Variants in AFM observed in about 807,000 individuals in gnomAD.
AFM encodes the protein alpha-Alb.
AFM carries 82 observed loss-of-function variants against 68.7 expected under a neutral mutation model. The observed-to-expected ratio is 1.19, with a 90% CI of 1.00 to 1.43. The LOEUF is 1.43. Among genes scored for constraint, AFM ranks in the 40% most tolerant of loss-of-function variants. AFM has a pLI of 0.00. For synonymous variants in AFM, 250 were observed against 234.2 expected, an observed-to-expected ratio of 1.07 and a Z score of -0.61; for missense variants, 772 against 701.8, an observed-to-expected ratio of 1.10 and a Z score of -1.13.
At chr4:73,484,432 CT>C (rs1720808712) in intron 3 of AFM, 42 bp downstream of exon 3, 1 of 1,270,794 alleles carries the variant, frequency 7.9e-7, no homozygotes, top group African/African-American at 1.6e-5. Context: ...TATCTTATGT[CT>C]TTCTTTCTCT....
intron 9 of AFM, among the ~76,000 whole-genome samples, chr4:73,496,641 G>A (rs1408444722): frequency 6.6e-6 from 1 of 152,056 alleles, no homozygotes; most frequent in African/African-American, 2.4e-5. Flanking sequence ...GTAAATAACA[G>A]TGTTTGTGTT....
At chr4:73,497,057 C>T (rs1169517851) in intron 9 of AFM, among the ~76,000 whole-genome samples, 2 of 152,166 alleles carry the variant, frequency 1.3e-5, no homozygotes, top group African/African-American at 2.4e-5. Flanking sequence ...ATACAATTTG[C>T]TCCACAATAG....
intron 2 of AFM, 104 bp downstream of exon 2, chr4:73,484,093 A>T: frequency 1.5e-6 from 2 of 1,360,764 alleles, no homozygotes; most frequent in Non-Finnish European, 2.0e-6. Flanking sequence ...GCCATATCCA[A>T]GAAGACAACT....
Position 73,486,024 on chromosome 4 carries a change from G to T in AFM, c.433G>T (p.Glu145Ter). ...FLPPFPTLDP[E>*]EKCQAYESNR... Reference sequence around the variant, plus strand: ...GCCTCCTTTCCCTACCCTGGATCCCGAAGAGAAATGCCAGGCTTATGAAAG... The same window carrying T: ...GCCTCCTTTCCCTACCCTGGATCCCTAAGAGAAATGCCAGGCTTATGAAAG... Residue 145 changes from glutamate to a stop codon, truncating the protein, a stop_gained, in exon 4 of 15, where the codon GAA (glutamate) becomes TAA (stop). Transcript: ENST00000226355. LOFTEE classifies it high-confidence loss of function. 5 of 1,614,018 alleles carry T rather than the reference G, an allele frequency of 3.1e-6. No individual in the cohort carries two copies. The highest frequency in any genetic ancestry group is 4.2e-6 in the Non-Finnish European group (5 of 1,179,966).
intron 13 of AFM, 119 bp downstream of exon 13, chr4:73,502,038 C>G: frequency 9.1e-7 from 1 of 1,097,514 alleles, no homozygotes; most frequent in Non-Finnish European, 1.3e-6. Context: ...CATTTGAGAG[C>G]ACAATTGCTA....
chr4:73,500,341 C>A, intron 12 of AFM, 114 bp downstream of exon 12: 2 of 946,816 alleles, frequency 2.1e-6, no homozygotes, highest in Non-Finnish European at 1.5e-6. Context: ...CTGTTCCTTC[C>A]ACCAAATTGT....
At chr4:73,500,735 G>A (rs980946649) in intron 12 of AFM, among the ~76,000 whole-genome samples, 1 of 152,132 alleles carries the variant, frequency 6.6e-6, no homozygotes, top group Non-Finnish European at 1.5e-5. Flanking sequence ...TTTTGGACAT[G>A]AATTTTCTGG....
intron 7 of AFM, among the ~76,000 whole-genome samples, chr4:73,489,099 T>C (rs981627434): frequency 1.1e-4 from 17 of 152,196 alleles, no homozygotes; most frequent in Non-Finnish European, 2.5e-4. Context: ...TGGAAACAAA[T>C]AGTAAATTTC....
Position 73,501,820 on chromosome 4 carries a change from A to G in AFM, c.1680A>G (p.Glu560=). ...FLVNLVKLKH[E]LTDEELQSLF... Reference sequence around the variant, plus strand: ...TCAACTTAGTGAAGCTGAAGCATGAACTCACAGATGAAGAGCTGCAGTCTT... The same window carrying G: ...TCAACTTAGTGAAGCTGAAGCATGAGCTCACAGATGAAGAGCTGCAGTCTT... The change falls in exon 13 of 15, where the codon GAA becomes GAG. Residue 560 remains glutamate, a synonymous_variant. Transcript: ENST00000226355. 1.2e-6 allele frequency: 2 copies of G among 1,613,258 alleles called. No individual in the cohort carries two copies. The highest frequency in any genetic ancestry group is 1.7e-6 in the Non-Finnish European group (2 of 1,179,562).
Position 73,487,059 on chromosome 4 carries a change from G to T in AFM, c.575G>T (p.Cys192Phe). The T allele has an allele frequency of 6.2e-7, 1 of 1,614,012 alleles. No individual in the cohort carries two copies. The highest frequency in any genetic ancestry group is 8.5e-7 in the Non-Finnish European group (1 of 1,179,958). Residue 192 changes from cysteine to phenylalanine, a missense_variant, in exon 5 of 15, where the codon TGT becomes TTT. Cys to Phe is a radical substitution (Grantham distance 205). Coordinates refer to ENST00000226355, the MANE Select transcript of AFM (RefSeq NM_001133.2). ...AVHFEEVAKS[C>F]CEEQNKVNCL... ...CATTTTGAGGAGGTGGCCAAATCAT[G>T]TTGTGAAGAACAAAACAAAGTCAAC...
intron 7 of AFM, among the ~76,000 whole-genome samples, chr4:73,489,249 T>C (rs936995251): frequency 3.9e-5 from 6 of 152,310 alleles, no homozygotes; most frequent in African/African-American, 1.4e-4. Context: ...TCCTTTTTCC[T>C]TACCTTCTCC....
rs776855698 is a variant in AFM at position 73,487,733 on chromosome 4, G to A, written c.625G>A (p.Val209Ile). ...TCTCTTTCTTCTTCAGGCAATACCT[G>A]TCACACAATATTTAAAAGCATTTTC... ...VNCLQTRAIP[V>I]TQYLKAFSSY... is the part of the protein sequence containing the mutation. Residue 209 changes from valine to isoleucine, a missense_variant, in exon 6 of 15, where the codon GTC becomes ATC. Coordinates refer to ENST00000226355, the MANE Select transcript of AFM (RefSeq NM_001133.2). 5.6e-6 allele frequency: 9 copies of A among 1,609,860 alleles called. No homozygotes were observed. The Admixed American group carries it at 1.5e-4, about 27-fold the overall frequency.
chr4:73,484,916 G>A (rs1366007885), intron 3 of AFM, among the ~76,000 whole-genome samples: 1 of 152,124 alleles, frequency 6.6e-6, no homozygotes, highest in Admixed American at 6.6e-5. Context: ...TGAAATGAAA[G>A]ATGTTCTGTG....
intron 3 of AFM, 96 bp downstream of exon 3, chr4:73,484,486 CTT>C (rs1281183605): frequency 2.7e-6 from 2 of 746,516 alleles, no homozygotes; most frequent in East Asian, 3.3e-5. Context: ...TTCTTTCTTT[CTT>C]TCTTTCTTTC....
At chr4:73,495,699 T>G (rs1262507290) in intron 9 of AFM, among the ~76,000 whole-genome samples, 6 of 152,232 alleles carry the variant, frequency 3.9e-5, no homozygotes, top group African/African-American at 1.4e-4. Context: ...TCTTTATGTA[T>G]TCTGTATTTT....
chr4:73,491,820 G>C, intron 7 of AFM, 52 bp from the exon 8 acceptor site: 1 of 1,509,362 alleles, frequency 6.6e-7, no homozygotes, highest in Non-Finnish European at 9.1e-7. Context: ...TTCCATAATG[G>C]AAGAAAACCC....
intron 12 of AFM, 23 bp downstream of exon 12, chr4:73,500,250 T>C (rs368606306): frequency 3.2e-5 from 50 of 1,572,006 alleles, no homozygotes; most frequent in Non-Finnish European, 2.0e-5. Context: ...TCTTCCATTC[T>C]TCTTTTTCTT....
rs145217978 is a variant in AFM, at chr4:73,481,815, T to G, written c.40T>G (p.Phe14Val). The G allele has an allele frequency of 3.2e-4, 516 of 1,590,106 alleles. 1 individual carries two copies. The African/African-American group carries it at 5.9e-3, about 18-fold the overall frequency. Residue 14 changes from phenylalanine to valine, a missense_variant, in exon 1 of 15, where the codon TTT (phenylalanine) becomes GTT (valine). Physicochemically the swap from Phe to Val is conservative, Grantham distance 50. Transcript: ENST00000226355. The part of the protein sequence containing the change: ...LKLTGFIFFL[F>V]FLTESLTLPT... ...ACTTACAGGTTTTATTTTTTTCTTG[T>G]TTTTTTTGACTGAATCCCTAACCCT...
chr4:73,496,093 G>T (rs1721245854), intron 9 of AFM, among the ~76,000 whole-genome samples: 1 of 152,114 alleles, frequency 6.6e-6, no homozygotes, highest in South Asian at 2.1e-4. Flanking sequence ...AAAGGGAGCG[G>T]CTTAAACCAA....
Sources: allele counts gnomAD v4.1 joint callset (sites outside exome capture counted in the v4.1 genomes callset), GRCh38; gene constraint gnomAD v4.1.1; transcripts MANE v1.5; gene names NCBI Gene and HGNC (gene_info 2026-07-23, HGNC 2026-07-21).